The following UXS1 variants were observed in gnomAD, a reference collection of about 807,000 sequenced individuals.
The protein encoded by UXS1 is UDP-glucuronic acid decarboxylase 1.
In UXS1, 33 loss-of-function variants were observed where a neutral mutation model predicts 62.6. The observed-to-expected ratio is 0.53, with a 90% CI of 0.40 to 0.70. The LOEUF (loss-of-function observed/expected upper bound fraction) is 0.70, where lower values mean the gene tolerates loss of function less well. UXS1 is among the 30% of genes least tolerant of loss of function. The pLI, the probability that UXS1 is intolerant of heterozygous loss-of-function variation, is 0.00. For synonymous variants in UXS1, 213 were observed against 206.8 expected (o/e 1.03, Z -0.26); for missense variants, 434 against 556.3 (o/e 0.78, Z 2.21).
chr2:106,181,063 T>C (rs1684210267), intron 1 of UXS1, among the ~76,000 whole-genome samples: 1 of 152,146 alleles, frequency 6.6e-6, no homozygotes, highest in African/African-American at 2.4e-5. Context: ...AACAGATACA[T>C]TAAAGAAAAA....
At chr2:106,169,547 G>A (rs1683411736) in intron 1 of UXS1, among the ~76,000 whole-genome samples, 1 of 152,040 alleles carries the variant, frequency 6.6e-6, no homozygotes, top group East Asian at 1.9e-4. Context: ...ATTAGCCAGG[G>A]GTGGTGGCCT....
Position 106,104,981 on chromosome 2 carries a change from C to T in UXS1, c.880-144G>A, listed in dbSNP as rs879106046. On this transcript the variant is annotated intron_variant, in intron 10 of 14. Transcript: ENST00000283148. ...TGACTCAAAGCATCTAGCACCACAT[C>T]CCGCACTCTACTTCGAGACCATGCC... The T allele has an allele frequency of 2.5e-4, 232 of 922,532 alleles. 5 individuals carry two copies. The South Asian group carries it at 3.2e-3, about 13-fold the overall frequency. The allele number at this position is 922,532 out of a possible 1,614,324, so 57.1% of individuals were successfully genotyped here.
At chr2:106,112,547 G>A in intron 10 of UXS1, 99 bp downstream of exon 10, 1 of 1,508,510 alleles carries the variant, frequency 6.6e-7, no homozygotes, top group Non-Finnish European at 8.9e-7. Flanking sequence ...AGCTTCAGAA[G>A]TGTCACTCCC....
At chr2:106,119,931 T>C in intron 9 of UXS1, among the ~76,000 whole-genome samples, 1 of 152,254 alleles carries the variant, frequency 6.6e-6, no homozygotes, top group East Asian at 1.9e-4. Flanking sequence ...TTTTTCTTTT[T>C]TCTTGCTTAA....
intron 10 of UXS1, among the ~76,000 whole-genome samples, chr2:106,110,978 G>A (rs773100067): frequency 2.6e-5 from 4 of 152,186 alleles, no homozygotes; most frequent in African/African-American, 9.7e-5. Flanking sequence ...GGACAGGCAG[G>A]AGCAAGGGAG....
chr2:106,176,440 CTG>C (rs1553437677), intron 1 of UXS1, among the ~76,000 whole-genome samples: 1 of 152,174 alleles, frequency 6.6e-6, no homozygotes, highest in Non-Finnish European at 1.5e-5. Context: ...AGATACTGCT[CTG>C]TGTTTAATTC....
At chr2:106,148,673 G>C (rs1681778342) in intron 5 of UXS1, among the ~76,000 whole-genome samples, 1 of 152,144 alleles carries the variant, frequency 6.6e-6, no homozygotes. Context: ...AATATAGCTG[G>C]ATGGTTATGC....
At chr2:106,170,470 T>C (rs1683484802) in intron 1 of UXS1, among the ~76,000 whole-genome samples, 1 of 152,232 alleles carries the variant, frequency 6.6e-6, no homozygotes, top group Admixed American at 6.5e-5. Context: ...CTAAAATTCG[T>C]TGAATGCATG....
intron 13 of UXS1, among the ~76,000 whole-genome samples, chr2:106,098,016 G>T (rs927954177): frequency 6.6e-6 from 1 of 152,232 alleles, no homozygotes; most frequent in Non-Finnish European, 1.5e-5. Flanking sequence ...GCCAAGCGGG[G>T]TCTGAATGGT....
chr2:106,192,812 T>TACC (rs1032828317), intron 1 of UXS1, among the ~76,000 whole-genome samples: 1 of 152,206 alleles, frequency 6.6e-6, no homozygotes, highest in African/African-American at 2.4e-5. Context: ...ATCATTATAG[T>TACC]ACCGATTTCC....
chr2:106,163,358 C>T (rs1683021122), intron 4 of UXS1, among the ~76,000 whole-genome samples: 1 of 152,184 alleles, frequency 6.6e-6, no homozygotes, highest in African/African-American at 2.4e-5. Flanking sequence ...GATTGTCCTC[C>T]TATTTTGGAA....
chr2:106,115,621 T>C (rs372190851), intron 9 of UXS1, among the ~76,000 whole-genome samples: 20 of 152,202 alleles, frequency 1.3e-4, no homozygotes, highest in African/African-American at 4.6e-4. Flanking sequence ...CTGAGGGACC[T>C]GCAAAGGGTG....
intron 6 of UXS1, among the ~76,000 whole-genome samples, chr2:106,136,989 A>AAAAAAAAAAAGT (rs1680705221): frequency 6.7e-6 from 1 of 149,318 alleles, no homozygotes; most frequent in Non-Finnish European, 1.5e-5. Flanking sequence ...AAAAAAAAGA[A>AAAAAAAAAAAGT]AGCCAAGTCT....
chr2:106,157,248 G>A (rs1261401687), intron 5 of UXS1, among the ~76,000 whole-genome samples: 2 of 142,900 alleles, frequency 1.4e-5, no homozygotes, highest in Non-Finnish European at 3.0e-5. Context: ...TATGGTATGT[G>A]AATTATATCC....
chr2:106,156,394 C>T (rs745772717), intron 5 of UXS1, among the ~76,000 whole-genome samples: 4 of 152,060 alleles, frequency 2.6e-5, no homozygotes, highest in Non-Finnish European at 4.4e-5. Flanking sequence ...TAAGAAGTGG[C>T]GTTGAGGATG....
At chr2:106,095,256 T>C (rs1318205181) in intron 14 of UXS1, among the ~76,000 whole-genome samples, 5 of 152,218 alleles carry the variant, frequency 3.3e-5, no homozygotes, top group Admixed American at 6.5e-5. Context: ...AAGGGACCAA[T>C]GGCCCCTTAC....
chr2:106,129,369 G>T (rs920579401), intron 7 of UXS1, among the ~76,000 whole-genome samples: 7 of 152,192 alleles, frequency 4.6e-5, no homozygotes, highest in Non-Finnish European at 4.4e-5. Context: ...AGGGGGGCAG[G>T]CTGGGTGGTT....
At chr2:106,106,511 CT>C (rs568508839) in intron 10 of UXS1, among the ~76,000 whole-genome samples, 122 of 152,138 alleles carry the variant, frequency 8.0e-4, no homozygotes, top group African/African-American at 2.7e-3. Flanking sequence ...TATGTAGGTT[CT>C]GTTCTTGGGG....
intron 10 of UXS1, among the ~76,000 whole-genome samples, chr2:106,111,999 G>T (rs1678655201): frequency 6.6e-6 from 1 of 152,212 alleles, no homozygotes; most frequent in African/African-American, 2.4e-5. Context: ...CACCAGGCAG[G>T]CCTGGGGTGC....
Sources: gnomAD v4.1 joint callset for allele counts (sites outside exome capture counted in the v4.1 genomes callset) on GRCh38, gnomAD v4.1.1 for gene constraint, MANE v1.5 for transcripts, NCBI Gene and HGNC (gene_info 2026-07-23, HGNC 2026-07-21) for gene names.